Variants in LINGO2 observed in about 807,000 individuals in gnomAD.
LINGO2 encodes leucine-rich repeat and immunoglobulin-like domain-containing nogo receptor-interacting protein 2.
LINGO2 carries 14 observed loss-of-function variants against 30.6 expected under a neutral mutation model. The observed-to-expected ratio is 0.46, with a 90% confidence interval of 0.30 to 0.72. The LOEUF (loss-of-function observed/expected upper bound fraction) is 0.72. Ranked by LOEUF, LINGO2 falls within the 30% of genes least tolerant of loss-of-function variation. LINGO2 has a pLI of 0.07. For synonymous variants in LINGO2, 317 were observed against 288.5 expected, an observed-to-expected ratio of 1.10 and a Z score of -1.00; for missense variants, 729 against 751.7, an observed-to-expected ratio of 0.97 and a Z score of 0.35.
At chr9:28,838,252 G>T in the LINGO2 span, among the ~76,000 whole-genome samples, 1 of 152,070 alleles carries the variant, frequency 6.6e-6, no homozygotes, top group African/African-American at 2.4e-5. Flanking sequence ...CTATTAGGTC[G>T]AACATGAAAG....
chr9:28,051,296 A>G (rs759174737), intron 4 of LINGO2, among the ~76,000 whole-genome samples: 1 of 152,184 alleles, frequency 6.6e-6, no homozygotes, highest in African/African-American at 2.4e-5. Flanking sequence ...TTCATAAAAC[A>G]TATGACAAAT....
chr9:28,903,763 G>A, the LINGO2 span, among the ~76,000 whole-genome samples: 1 of 152,078 alleles, frequency 6.6e-6, no homozygotes, highest in Non-Finnish European at 1.5e-5. Flanking sequence ...ACAGATATGA[G>A]CCACCATGCT....
intron 4 of LINGO2, among the ~76,000 whole-genome samples, chr9:28,203,617 G>C (rs1234630011): frequency 6.6e-6 from 1 of 152,096 alleles, no homozygotes; most frequent in Non-Finnish European, 1.5e-5. Context: ...CTCATAGGAA[G>C]TATATATTAT....
At chr9:28,873,491 A>C in the LINGO2 span, among the ~76,000 whole-genome samples, 4 of 152,242 alleles carry the variant, frequency 2.6e-5, no homozygotes, top group Non-Finnish European at 4.4e-5. Flanking sequence ...AATGGCTAAG[A>C]TCTGGAACCC....
intron 1 of LINGO2, among the ~76,000 whole-genome samples, chr9:28,590,670 G>A (rs999729826): frequency 4.7e-4 from 72 of 152,262 alleles, no homozygotes; most frequent in African/African-American, 1.7e-3. Flanking sequence ...AGGTGCTGGA[G>A]AGGATGTGGA....
At chr9:28,461,311 A>G (rs1173968307) in intron 2 of LINGO2, among the ~76,000 whole-genome samples, 1 of 152,130 alleles carries the variant, frequency 6.6e-6, no homozygotes, top group Non-Finnish European at 1.5e-5. Flanking sequence ...GTATTTTCAC[A>G]GTCTCAGTGC....
rs1452346 is a variant in LINGO2, at chr9:28,173,982, C to T, written c.-87+121226G>A. On this transcript the variant is annotated intron_variant, in intron 4 of 5. Coordinates refer to ENST00000379992, the Ensembl canonical transcript of LINGO2. ...CAAGCTCAGTGAGGTTATATCCAAACTGAAAAAAATCTATGTTATATAAAG... is the reference window on the plus strand; with the variant it reads ...CAAGCTCAGTGAGGTTATATCCAAATTGAAAAAAATCTATGTTATATAAAG... 6.1e-3 allele frequency among the ~76,000 whole-genome samples: 930 copies of T among 152,076 alleles called. 11 individuals are homozygous for T. Among genetic ancestry groups the T allele is most frequent in the African/African-American group, 0.021 (862 of 41,488 alleles).
At chr9:28,144,112 A>T (rs1175901807) in intron 4 of LINGO2, among the ~76,000 whole-genome samples, 1 of 152,226 alleles carries the variant, frequency 6.6e-6, no homozygotes, top group Non-Finnish European at 1.5e-5. Context: ...AAAAATAAAT[A>T]GATAAAATAG....
the LINGO2 span, among the ~76,000 whole-genome samples, chr9:28,777,512 A>C: frequency 6.6e-6 from 1 of 152,184 alleles, no homozygotes; most frequent in African/African-American, 2.4e-5. Flanking sequence ...GGGAAAAACA[A>C]AGTTTTCTGT....
At chr9:28,805,555 A>G in the LINGO2 span, among the ~76,000 whole-genome samples, 1 of 152,212 alleles carries the variant, frequency 6.6e-6, no homozygotes, top group Non-Finnish European at 1.5e-5. Flanking sequence ...ACATCCGTTT[A>G]TATTAAATTC....
chr9:27,965,459 C>T (rs571689768), intron 5 of LINGO2, among the ~76,000 whole-genome samples: 1 of 150,672 alleles, frequency 6.6e-6, no homozygotes, highest in Non-Finnish European at 1.5e-5. Flanking sequence ...CTCATTTTCT[C>T]TCTGGGTTAT....
rs117673358 is a variant in LINGO2, at chr9:28,271,962, C to A, written c.-87+23246G>T. On this transcript the variant is annotated intron_variant, in intron 4 of 5. Transcript: ENST00000379992. The stretch of plus-strand genomic sequence containing the variant: ...GCACATTGAGGTTTGAATACCATGT[C>A]TCCAAAACACCTCATCGGAATCTGT... 6.6e-5 allele frequency among the ~76,000 whole-genome samples: 10 copies of A among 152,290 alleles called. No individual in the cohort carries two copies. In the East Asian group the frequency reaches 1.7e-3, roughly 26 times the overall value.
chr9:28,979,899 T>C, the LINGO2 span, among the ~76,000 whole-genome samples: 3 of 152,260 alleles, frequency 2.0e-5, no homozygotes, highest in East Asian at 3.9e-4. Flanking sequence ...AAATAAGCTA[T>C]GAACAAAATA....
chr9:28,532,216 G>A (rs1298224645), intron 1 of LINGO2, among the ~76,000 whole-genome samples: 2 of 152,062 alleles, frequency 1.3e-5, no homozygotes, highest in Non-Finnish European at 2.9e-5. Flanking sequence ...CAGACAGCTT[G>A]GGGGCTGAGA....
rs150369236 is a variant in LINGO2 at position 28,083,071 on chromosome 9, C to T, written c.-86-70666G>A. Among the ~76,000 whole-genome samples, 227 of 152,272 alleles carry T rather than the reference C, an allele frequency of 1.5e-3. 2 individuals carry two copies. Among genetic ancestry groups the T allele is most frequent in the African/African-American group, 3.3e-3 (138 of 41,562 alleles). On this transcript the variant is annotated intron_variant, in intron 4 of 5. Coordinates refer to ENST00000379992, the Ensembl canonical transcript of LINGO2. ...CTTGCCTGATTCTCTACTAAATTGA[C>T]GGCACTTCTCAGACTTCAATACCCA... is the stretch of plus-strand genomic sequence containing the variant.
At chr9:28,055,720 A>G (rs1824902797) in intron 4 of LINGO2, among the ~76,000 whole-genome samples, 1 of 152,186 alleles carries the variant, frequency 6.6e-6, no homozygotes, top group Admixed American at 6.6e-5. Flanking sequence ...AAAATTCTTT[A>G]AAAGATATGT....
intron 1 of LINGO2, among the ~76,000 whole-genome samples, chr9:28,642,225 GAAAA>G (rs920636784): frequency 2.0e-5 from 3 of 149,520 alleles, no homozygotes; most frequent in African/African-American, 4.9e-5. Flanking sequence ...TTGAAAAAGT[GAAAA>G]AAAAAGTGTC....
At chr9:27,992,310 C>T (rs144070017) in intron 5 of LINGO2, among the ~76,000 whole-genome samples, 1 of 152,090 alleles carries the variant, frequency 6.6e-6, no homozygotes, top group African/African-American at 2.4e-5. Context: ...TAATTGAAAA[C>T]CATGTAAAAC....
At chr9:28,926,716 T>C in the LINGO2 span, among the ~76,000 whole-genome samples, 242 of 152,376 alleles carry the variant, frequency 1.6e-3, no homozygotes, top group African/African-American at 5.6e-3. Flanking sequence ...TGTGGTGTTC[T>C]ACTTCATGCT....
Sources: gnomAD v4.1 joint callset for allele counts (sites outside exome capture counted in the v4.1 genomes callset) on GRCh38, gnomAD v4.1.1 for gene constraint, MANE v1.5 for transcripts, NCBI Gene and HGNC (gene_info 2026-07-23, HGNC 2026-07-21) for gene names.